The following EXD2 variants were observed in gnomAD, a reference collection of about 807,000 sequenced individuals.
EXD2 encodes the protein exonuclease 3'-5' domain-containing protein 2.
Under a neutral mutation model 62.5 loss-of-function variants are expected in EXD2, and 40 were observed. That is an observed-to-expected ratio of 0.64 (90% CI 0.50 to 0.83). The LOEUF is 0.83. EXD2 is among the 40% of genes least tolerant of loss of function. The pLI is 0.00. For synonymous variants in EXD2, 239 were observed against 291.9 expected, an observed-to-expected ratio of 0.82 and a Z score of 1.85; for missense variants, 671 against 761.8, an observed-to-expected ratio of 0.88 and a Z score of 1.40.
At position 69,220,253 on chromosome 14, in the gene EXD2, G is replaced by GTTTTTTTTTTTTTTTTTTTTTTTT. The variant is rs869194045; in HGVS notation, c.334-8551_334-8528dup. On this transcript the variant is annotated intron_variant, in intron 3 of 9. Transcript: ENST00000685843. ...CTCTCAGCAAGTGTTTTGTCTCTCT[G>GTTTTTTTTTTTTTTTTTTTTTTTT]TTTTTTTTTTTTTTTTTTTTTTTTT... Among the ~76,000 whole-genome samples the GTTTTTTTTTTTTTTTTTTTTTTTT allele has an allele frequency of 8.5e-5, 3 of 35,114 alleles. 1 individual carries two copies. Among genetic ancestry groups the GTTTTTTTTTTTTTTTTTTTTTTTT allele is most frequent in the African/African-American group, 2.4e-4 (2 of 8,216 alleles). The allele number at this position is 35,114 out of a possible 152,430, so 23.0% of individuals were successfully genotyped here.
chr14:69,194,573 C>T (rs144785346), intron 1 of EXD2, among the ~76,000 whole-genome samples: 2 of 152,216 alleles, frequency 1.3e-5, no homozygotes, highest in East Asian at 3.9e-4. Context: ...TCTCAAACTC[C>T]TGGCCTCAGG....
intron 1 of EXD2, among the ~76,000 whole-genome samples, chr14:69,201,672 G>GTTTTTTTTTTTTTTTTT (rs71102634): frequency 3.4e-5 from 2 of 58,992 alleles, no homozygotes; most frequent in African/African-American, 1.4e-4. Context: ...TGTTTTCTCT[G>GTTTTTTTTTTTTTTTTT]TTTTTTTTTT....
chr14:69,237,813 A>G lies in EXD2; in HGVS notation c.1531A>G (p.Asn511Asp). 1.2e-6 allele frequency: 2 copies of G among 1,613,762 alleles called. No individual in the cohort carries two copies. Among genetic ancestry groups the G allele is most frequent in the Middle Eastern group, 3.3e-4 (2 of 6,058 alleles). ...GCGTTCTGGGGCCAGGGCCCTGCTC[A>G]ACGCGGAGAGCCTGCCTACTCAGCG... ...QVRSGARALL[N>D]AESLPTQRKE... Residue 511 changes from asparagine (N) to aspartate (D), a missense_variant, in exon 9 of 10, where the codon AAC (asparagine) becomes GAC (aspartate). Asn to Asp is a conservative substitution (Grantham distance 23). Transcript: ENST00000685843.
At chr14:69,213,584 C>CCTGGCTGGT (rs1385207550) in intron 3 of EXD2, among the ~76,000 whole-genome samples, 1 of 121,574 alleles carries the variant, frequency 8.2e-6, no homozygotes, top group African/African-American at 3.2e-5. Flanking sequence ...GTTGTGTTGC[C>CCTGGCTGGT]CTGGCTGGTC....
At chr14:69,213,952 G>A (rs190145917) in intron 3 of EXD2, 16 of 151,856 alleles carry the variant, frequency 1.1e-4, no homozygotes, top group Non-Finnish European at 7.4e-5. Flanking sequence ...CCTTCTTTTG[G>A]GGATCATTTT....
chr14:69,200,154 A>G (rs1399318302), intron 1 of EXD2, among the ~76,000 whole-genome samples: 1 of 152,226 alleles, frequency 6.6e-6, no homozygotes, highest in African/African-American at 2.4e-5. Flanking sequence ...TGACCGAAAC[A>G]TTGTTATACA....
rs77852768 is a variant in EXD2 at position 69,203,738 on chromosome 14, T to C, written c.-131-179T>C. Reference sequence around the variant, plus strand: ...TTCTTGAATTGGGTGGGAGCTGAACTTGACTCCAAAATTTTAACTCTGATT... The same window carrying C: ...TTCTTGAATTGGGTGGGAGCTGAACCTGACTCCAAAATTTTAACTCTGATT... On this transcript the variant is annotated intron_variant, in intron 1 of 9. Coordinates refer to ENST00000685843, the MANE Select transcript of EXD2 (RefSeq NM_001193360.2). Among the ~76,000 whole-genome samples, 1,455 of 152,354 alleles carry C rather than the reference T, an allele frequency of 9.6e-3. 25 individuals are homozygous for C. Among genetic ancestry groups the C allele is most frequent in the African/African-American group, 0.034 (1,396 of 41,580 alleles).
At chr14:69,220,272 T>G (rs1398309037) in intron 3 of EXD2, among the ~76,000 whole-genome samples, 2 of 112,496 alleles carry the variant, frequency 1.8e-5, no homozygotes, top group Non-Finnish European at 3.7e-5. Flanking sequence ...TTTTTTTTTT[T>G]TTTTTTTTTT....
intron 3 of EXD2, among the ~76,000 whole-genome samples, chr14:69,225,750 C>G (rs1462359695): frequency 6.6e-6 from 1 of 151,716 alleles, no homozygotes; most frequent in Non-Finnish European, 1.5e-5. Context: ...CATTAGAAAG[C>G]AAAAAGGGGG....
chr14:69,213,146 C>T lies in EXD2; in HGVS notation c.333+3343C>T, dbSNP rs186632938. ...TTGCCCAGGCTGGAATGCAGTTGTG[C>T]GATCACAGCTAACTGCAGCCTTAAC... On this transcript the variant is annotated intron_variant, in intron 3 of 9. Coordinates refer to ENST00000685843, the MANE Select transcript of EXD2 (RefSeq NM_001193360.2). 1.3e-4 allele frequency among the ~76,000 whole-genome samples: 18 copies of T among 139,562 alleles called. No homozygotes were observed. The South Asian group carries it at 2.5e-3, about 19-fold the overall frequency. 91.6% of individuals were successfully genotyped at this position (139,562 alleles called of 152,430 possible).
chr14:69,195,837 G>C (rs1357445260), intron 1 of EXD2, among the ~76,000 whole-genome samples: 1 of 152,168 alleles, frequency 6.6e-6, no homozygotes, highest in Non-Finnish European at 1.5e-5. Flanking sequence ...GCTATAGCAT[G>C]TTTCAGTACT....
intron 1 of EXD2, among the ~76,000 whole-genome samples, chr14:69,201,675 T>TTTTG (rs1566816495): frequency 1.6e-5 from 2 of 123,690 alleles, no homozygotes; most frequent in African/African-American, 6.5e-5. Context: ...TTTCTCTGTT[T>TTTTG]TTTTTTTTTT....
At chr14:69,225,294 A>G (rs2043319864) in intron 3 of EXD2, among the ~76,000 whole-genome samples, 1 of 152,230 alleles carries the variant, frequency 6.6e-6, no homozygotes, top group Non-Finnish European at 1.5e-5. Flanking sequence ...CATTTAAAGA[A>G]TCACAGGCCA....
intron 1 of EXD2, among the ~76,000 whole-genome samples, chr14:69,195,362 A>G (rs1006187003): frequency 1.3e-5 from 2 of 152,042 alleles, no homozygotes; most frequent in African/African-American, 4.8e-5. Flanking sequence ...CACACTGGCT[A>G]ATTTTTGTAT....
intron 1 of EXD2, among the ~76,000 whole-genome samples, chr14:69,201,178 G>A (rs1346108788): frequency 4.0e-5 from 6 of 151,358 alleles, no homozygotes; most frequent in South Asian, 2.1e-4. Context: ...TACATCTTAC[G>A]TTGGTTTTTT....
intron 3 of EXD2, among the ~76,000 whole-genome samples, chr14:69,220,021 T>A (rs989418703): frequency 6.7e-6 from 1 of 149,254 alleles, no homozygotes; most frequent in African/African-American, 2.5e-5. Context: ...TTGCTAAGAG[T>A]TTTTTTTTTA....
At chr14:69,212,380 C>CA (rs2042837415) in intron 3 of EXD2, among the ~76,000 whole-genome samples, 1 of 151,484 alleles carries the variant, frequency 6.6e-6, no homozygotes, top group Non-Finnish European at 1.5e-5. Context: ...GACCCTGTCT[C>CA]AAAAAAAGAA....
intron 3 of EXD2, among the ~76,000 whole-genome samples, chr14:69,225,613 T>C (rs2043332294): frequency 6.6e-6 from 1 of 152,172 alleles, no homozygotes; most frequent in Admixed American, 6.5e-5. Context: ...AAACCCTAGA[T>C]TAAATAATGC....
chr14:69,230,394 CATT>C, intron 4 of EXD2, 75 bp from the exon 5 acceptor site: 1 of 864,290 alleles, frequency 1.2e-6, no homozygotes, highest in Non-Finnish European at 1.8e-6. Flanking sequence ...GTTTATTGGC[CATT>C]TATATGTCTT....
Sources: allele counts gnomAD v4.1 joint callset (sites outside exome capture counted in the v4.1 genomes callset), GRCh38; gene constraint gnomAD v4.1.1; transcripts MANE v1.5; gene names NCBI Gene and HGNC (gene_info 2026-07-23, HGNC 2026-07-21).